The following CD59 variants were observed in gnomAD, a reference collection of about 807,000 sequenced individuals.
CD59 encodes CD59 molecule (CD59 blood group).
CD59 carries 3 observed loss-of-function variants against 7.0 expected under a neutral mutation model. That is an observed-to-expected ratio of 0.43 (90% CI 0.19 to 1.10). The LOEUF (loss-of-function observed/expected upper bound fraction) is 1.10. CD59 is among the 50% of genes least tolerant of loss of function. The pLI, the probability that CD59 is intolerant of heterozygous loss-of-function variation, is 0.29. For missense variants in CD59, 143 were observed against 151.0 expected (o/e 0.95, Z 0.28); for synonymous variants, 60 against 62.0 (o/e 0.97, Z 0.15).
chr11:33,708,261 C>A lies in CD59; in HGVS notation c.*1865G>T, dbSNP rs1329062338. Reference sequence around the variant, plus strand: ...ATATGACCCTTGTTGATTTGGACAGCTTAACAGCCCCATCTCCCCATTTAG... The same window carrying A: ...ATATGACCCTTGTTGATTTGGACAGATTAACAGCCCCATCTCCCCATTTAG... On this transcript the variant is annotated 3_prime_UTR_variant, in exon 4 of 4. Coordinates refer to ENST00000642928, the MANE Select transcript of CD59 (RefSeq NM_000611.6). 6.6e-6 allele frequency: 1 copy of A among 152,132 alleles called. No homozygotes were observed. The highest frequency in any genetic ancestry group is 6.5e-5 in the Admixed American group (1 of 15,270). The allele number at this position is 152,132 out of a possible 1,614,324, so 9.4% of individuals were successfully genotyped here. A position where few individuals can be genotyped will look rare whatever the true frequency, so the allele number is the denominator to read the frequency against.
In CD59 at chr11:33,706,841, A is replaced by G. The variant is rs73482912; in HGVS notation, c.*3285T>C. 7,271 of 152,264 alleles carry G rather than the reference A, an allele frequency of 0.048. 330 individuals are homozygous for G. Among genetic ancestry groups the G allele is most frequent in the African/African-American group, 0.11 (4,689 of 41,516 alleles). 9.4% of individuals were successfully genotyped at this position (152,264 alleles called of 1,614,324 possible). On this transcript the variant is annotated 3_prime_UTR_variant, in exon 4 of 4. Transcript: ENST00000642928. ...CTTTTCCAAAAAGAGGCAGAAACTG[A>G]TTTCTTCAAAGTAAAAAGGCACCAG...
intron 1 of CD59, among the ~76,000 whole-genome samples, chr11:33,723,897 G>A (rs1433650010): frequency 1.3e-5 from 2 of 152,170 alleles, no homozygotes; most frequent in East Asian, 3.8e-4. Flanking sequence ...AGCATAGCAT[G>A]ATCGGAGCCT....
chr11:33,704,995 C>G lies in CD59; in HGVS notation c.*5131G>C, dbSNP rs1262193513. The G allele has an allele frequency of 6.6e-6, 1 of 152,238 alleles. No homozygotes were observed. The highest frequency in any genetic ancestry group is 1.5e-5 in the Non-Finnish European group (1 of 68,036). The allele number at this position is 152,238 out of a possible 1,614,324, so 9.4% of individuals were successfully genotyped here. A position where few individuals can be genotyped will look rare whatever the true frequency, so the allele number is the denominator to read the frequency against. On this transcript the variant is annotated 3_prime_UTR_variant, in exon 4 of 4. Coordinates refer to ENST00000642928, the MANE Select transcript of CD59 (RefSeq NM_000611.6). ...AAAAAAGTTTCTAAAAAATGCAGAG[C>G]AGCCTTTATTCTTGTTTTCCCAGGT...
At chr11:33,734,621 C>T (rs1046122273) in intron 1 of CD59, among the ~76,000 whole-genome samples, 3 of 152,324 alleles carry the variant, frequency 2.0e-5, no homozygotes, top group Non-Finnish European at 2.9e-5. Context: ...GCAGTTTGTT[C>T]CGGAATGCCA....
At chr11:33,722,967 G>A in intron 1 of CD59, 2 of 1,046,082 alleles carry the variant, frequency 1.9e-6, no homozygotes, top group Non-Finnish European at 2.3e-6. Flanking sequence ...ACACTTGCTT[G>A]CTCTCTTTGG....
chr11:33,732,409 CAAGT>C (rs145556645), intron 1 of CD59, among the ~76,000 whole-genome samples: 20,814 of 152,018 alleles, frequency 0.14, 1,747 homozygotes, highest in African/African-American at 0.23. Context: ...CTGCTCCCGC[CAAGT>C]AAGGCATTCT....
chr11:33,722,721 G>A (rs1564975917), intron 1 of CD59: 15 of 1,264,516 alleles, frequency 1.2e-5, no homozygotes, highest in Non-Finnish European at 1.4e-5. Context: ...GGGTCAGTGA[G>A]TCAAATGACA....
At chr11:33,733,023 G>A (rs758366249) in intron 1 of CD59, among the ~76,000 whole-genome samples, 1 of 152,152 alleles carries the variant, frequency 6.6e-6, no homozygotes, top group Non-Finnish European at 1.5e-5. Flanking sequence ...ATGAAGACAC[G>A]AAGGGTTCCC....
chr11:33,733,235 GTCAGACT>G (rs1452732780), intron 1 of CD59, among the ~76,000 whole-genome samples: 1 of 152,228 alleles, frequency 6.6e-6, no homozygotes, highest in East Asian at 1.9e-4. Context: ...TGAGACCTGT[GTCAGACT>G]TCTGATTTAC....
At position 33,717,354 on chromosome 11, in the gene CD59, CA is replaced by C. The variant is rs1275600701; in HGVS notation, c.169+15del. 2.6e-6 allele frequency: 4 copies of C among 1,547,770 alleles called. No individual in the cohort carries two copies. The highest frequency in any genetic ancestry group is 3.3e-5 in the Admixed American group (2 of 59,704). On this transcript the variant is annotated intron_variant, in intron 3 of 3. Coordinates refer to ENST00000642928, the MANE Select transcript of CD59 (RefSeq NM_000611.6). ...TACCCCATTACATTTAGGAGACAGA[CA>C]GGGGAGGCTCTTACCAGCTTTGGTA...
intron 3 of CD59, chr11:33,711,338 C>G (rs1368293954): frequency 5.8e-6 from 4 of 694,794 alleles, no homozygotes; most frequent in Non-Finnish European, 1.0e-5. Flanking sequence ...AGCATAGTAT[C>G]CAGGATATAG....
At chr11:33,721,621 T>C (rs1015921644) in intron 2 of CD59, among the ~76,000 whole-genome samples, 7 of 152,204 alleles carry the variant, frequency 4.6e-5, no homozygotes, top group African/African-American at 1.7e-4. Flanking sequence ...TCCACTGTTA[T>C]AGAAGTTGAC....
At position 33,703,391 on chromosome 11, in the gene CD59, C is replaced by G. The variant is rs1487550896; in HGVS notation, c.*6735G>C. The G allele has an allele frequency of 1.3e-5, 2 of 152,214 alleles. No individual in the cohort carries two copies. Among genetic ancestry groups the G allele is most frequent in the Admixed American group, 6.5e-5 (1 of 15,276 alleles). 9.4% of individuals were successfully genotyped at this position (152,214 alleles called of 1,614,324 possible). The stretch of plus-strand genomic sequence containing the variant: ...GAAACTCAAGTTTGTGATGAAAGAA[C>G]AGTCTTGAATTCAACTTCAGCAGAA... On this transcript the variant is annotated 3_prime_UTR_variant, in exon 4 of 4. Coordinates refer to ENST00000642928, the MANE Select transcript of CD59 (RefSeq NM_000611.6).
At chr11:33,712,917 TATC>T (rs1025034304) in intron 3 of CD59, among the ~76,000 whole-genome samples, 1 of 152,254 alleles carries the variant, frequency 6.6e-6, no homozygotes, top group Non-Finnish European at 1.5e-5. Flanking sequence ...TTAATAGTGT[TATC>T]ATCATGGAAG....
intron 1 of CD59, chr11:33,733,715 G>C (rs1270480303): frequency 2.0e-5 from 3 of 152,188 alleles, no homozygotes; most frequent in Non-Finnish European, 4.4e-5. Context: ...CTGAGTGAAC[G>C]AACCATAGTT....
chr11:33,712,327 A>G (rs1266657086), intron 3 of CD59, among the ~76,000 whole-genome samples: 1 of 152,210 alleles, frequency 6.6e-6, no homozygotes, highest in African/African-American at 2.4e-5. Context: ...ACAAGTTTCC[A>G]CATGAATGTT....
At chr11:33,735,887 G>A (rs1329903848) in intron 1 of CD59, among the ~76,000 whole-genome samples, 1 of 150,330 alleles carries the variant, frequency 6.7e-6, no homozygotes, top group East Asian at 1.9e-4. Context: ...CTGCACTCCA[G>A]CCTGGGCAAC....
At position 33,710,093 on chromosome 11, in the gene CD59, G is replaced by A. The variant is rs368593192; in HGVS notation, c.*33C>T. On this transcript the variant is annotated 3_prime_UTR_variant, in exon 4 of 4. Coordinates refer to ENST00000642928, the MANE Select transcript of CD59 (RefSeq NM_000611.6). ...AAGAGAAAGCGGACTACGCAGGAACGGGGAGTTTGGGAGAAGCTCTCCTGG... is the reference window on the plus strand; with the variant it reads ...AAGAGAAAGCGGACTACGCAGGAACAGGGAGTTTGGGAGAAGCTCTCCTGG... 2.7e-5 allele frequency: 41 copies of A among 1,497,710 alleles called. No individual in the cohort carries two copies. The highest frequency in any genetic ancestry group is 3.4e-4 in the Middle Eastern group (2 of 5,826). 92.8% of individuals were successfully genotyped at this position (1,497,710 alleles called of 1,614,324 possible). A position where few individuals can be genotyped will look rare whatever the true frequency, so the allele number is the denominator to read the frequency against.
chr11:33,727,483 T>C (rs1486204388), intron 1 of CD59, among the ~76,000 whole-genome samples: 2 of 152,218 alleles, frequency 1.3e-5, no homozygotes, highest in Admixed American at 6.5e-5. Flanking sequence ...CGCTTCATGC[T>C]AAAAACTCTC....
Sources: allele counts gnomAD v4.1 joint callset (sites outside exome capture counted in the v4.1 genomes callset), GRCh38; gene constraint gnomAD v4.1.1; transcripts MANE v1.5; gene names NCBI Gene and HGNC (gene_info 2026-07-23, HGNC 2026-07-21).